KIR3DL3: variants seen among roughly 807,000 people sequenced by gnomAD.
KIR3DL3 encodes killer cell immunoglobulin-like receptor 3DL3.
In KIR3DL3, 27 loss-of-function variants were observed where a neutral mutation model predicts 34.9. That is an observed-to-expected ratio of 0.77 (90% confidence interval 0.57 to 1.07). The LOEUF (loss-of-function observed/expected upper bound fraction) is 1.07. Ranked by LOEUF, KIR3DL3 falls within the 50% of genes least tolerant of loss-of-function variation. The pLI is 0.00. For synonymous variants in KIR3DL3, 217 were observed against 200.2 expected (o/e 1.08, Z -0.71); for missense variants, 681 against 528.5 (o/e 1.29, Z -2.83).
intron 5 of KIR3DL3, among the ~76,000 whole-genome samples, chr19:54,733,858 T>C (rs558142447): frequency 6.6e-6 from 1 of 152,258 alleles, no homozygotes; most frequent in South Asian, 2.1e-4. Context: ...AGGTAAACAC[T>C]AATACTCTTT....
chr19:54,728,108 A>G (rs2068404437), intron 4 of KIR3DL3, among the ~76,000 whole-genome samples, 198 bp downstream of exon 4: 1 of 151,970 alleles, frequency 6.6e-6, no homozygotes, highest in Non-Finnish European at 1.5e-5. Context: ...TAGAAGCCAG[A>G]CACAGGGGCC....
At chr19:54,728,436 A>G (rs2068439746) in intron 4 of KIR3DL3, among the ~76,000 whole-genome samples, 2 of 147,704 alleles carry the variant, frequency 1.4e-5, no homozygotes, top group East Asian at 4.1e-4. Context: ...GGAGCAGAAC[A>G]CCAACCCCTG....
rs148984435 is a variant in KIR3DL3 at position 54,734,174 on chromosome 19, C to G, written c.950-1079C>G. Among the ~76,000 whole-genome samples, 789 of 146,346 alleles carry G rather than the reference C, an allele frequency of 5.4e-3. 9 individuals are homozygous for G. Among genetic ancestry groups the G allele is most frequent in the African/African-American group, 0.019 (762 of 39,542 alleles). On this transcript the variant is annotated intron_variant, in intron 5 of 7. Transcript: ENST00000291860. ...CTTGGAGAATGTAATTTTTTTGAGT[C>G]AAGAGGGTTGTGGTGGTAGAAACTG...
intron 5 of KIR3DL3, 34 bp downstream of exon 5, chr19:54,729,820 G>T: frequency 6.3e-7 from 1 of 1,579,808 alleles, no homozygotes; most frequent in Non-Finnish European, 8.6e-7. Context: ...CATGTCTTGT[G>T]ATCCTAGAGC....
intron 5 of KIR3DL3, among the ~76,000 whole-genome samples, chr19:54,731,886 T>C (rs1314012550): frequency 6.6e-6 from 1 of 152,134 alleles, no homozygotes; most frequent in African/African-American, 2.4e-5. Flanking sequence ...ACTTTGGGAT[T>C]CTATTGGGGT....
chr19:54,728,757 A>G (rs35097716), intron 4 of KIR3DL3, among the ~76,000 whole-genome samples: 109,350 of 144,934 alleles, frequency 0.75, 41,616 homozygotes, highest in East Asian at 0.99. Context: ...TAAAGATGTG[A>G]GGATGGATTG....
rs2068579135 is a variant in KIR3DL3 at position 54,729,574 on chromosome 19, C to T, written c.737C>T (p.Ser246Phe). 2.5e-6 allele frequency: 4 copies of T among 1,607,104 alleles called. No individual in the cohort carries two copies. Among genetic ancestry groups the T allele is most frequent in the East Asian group, 2.2e-5 (1 of 44,488 alleles). ...GAGAATGTGACCTTGTCCTGCAGCT[C>T]CCGGAGCTTGTTTGACATTTACCAT... ...AGENVTLSCS[S>F]RSLFDIYHLS... The change falls in exon 5 of 8, where the codon TCC (serine) becomes TTC (phenylalanine). Residue 246 changes from serine to phenylalanine, a missense_variant. Ser to Phe is a radical substitution (Grantham distance 155, BLOSUM62 -2). Coordinates refer to ENST00000291860, the MANE Select transcript of KIR3DL3 (RefSeq NM_153443.5).
chr19:54,725,648 A>G (rs1442543459), intron 2 of KIR3DL3, among the ~76,000 whole-genome samples: 17 of 152,260 alleles, frequency 1.1e-4, no homozygotes, highest in African/African-American at 4.1e-4. Context: ...CCATGACGGT[A>G]GGGGCTGCAA....
At position 54,736,609 on chromosome 19, in the gene KIR3DL3, T is replaced by C. The variant is rs2146911299; in HGVS notation, c.*513T>C. On this transcript the variant is annotated 3_prime_UTR_variant, in exon 8 of 8. Transcript: ENST00000291860. Reference sequence around the variant, plus strand: ...ATAATTTCAATGTAGTTTTCTATTCTTCAAGTAAACATGTCTGCCCTCATG... The same window carrying C: ...ATAATTTCAATGTAGTTTTCTATTCCTCAAGTAAACATGTCTGCCCTCATG... 1 of 162,422 alleles carries C rather than the reference T, an allele frequency of 6.2e-6. No homozygotes were observed. The highest frequency in any genetic ancestry group is 1.7e-4 in the South Asian group (1 of 5,852). 10.1% of individuals were successfully genotyped at this position (162,422 alleles called of 1,614,324 possible).
intron 3 of KIR3DL3, among the ~76,000 whole-genome samples, chr19:54,727,329 A>G (rs2068293182): frequency 8.1e-6 from 1 of 122,904 alleles, no homozygotes. Context: ...CCCCCACATA[A>G]ACACCAGGAA....
chr19:54,734,335 C>T (rs1250922010), intron 5 of KIR3DL3, among the ~76,000 whole-genome samples: 8 of 151,240 alleles, frequency 5.3e-5, no homozygotes, highest in Non-Finnish European at 7.4e-5. Flanking sequence ...ACACAGAGAA[C>T]ACATTACACA....
At chr19:54,735,917 A>G in intron 7 of KIR3DL3, 45 bp downstream of exon 7, 1 of 1,605,556 alleles carries the variant, frequency 6.2e-7, no homozygotes, top group Non-Finnish European at 8.5e-7. Flanking sequence ...TTATTCCCAA[A>G]GAGTCCTGGA....
chr19:54,729,056 G>C (rs1053108037), intron 4 of KIR3DL3, among the ~76,000 whole-genome samples: 10 of 149,190 alleles, frequency 6.7e-5, no homozygotes, highest in Non-Finnish European at 1.5e-4. Flanking sequence ...TACATTGATT[G>C]ATAGATGATA....
intron 3 of KIR3DL3, among the ~76,000 whole-genome samples, chr19:54,727,188 A>T (rs2068277761): frequency 8.4e-6 from 1 of 119,320 alleles, no homozygotes; most frequent in East Asian, 2.5e-4. Flanking sequence ...AATCCCCATC[A>T]GGAACAGGGA....
rs781440017 is a variant in KIR3DL3 at position 54,736,090 on chromosome 19, C to G, written c.1227C>G (p.Ser409Arg). Residue 409 changes from serine (S) to arginine (R), a missense_variant, in exon 8 of 8, where the codon AGC becomes AGG. Ser to Arg is a moderately radical substitution (Grantham distance 110). Coordinates refer to ENST00000291860, the MANE Select transcript of KIR3DL3 (RefSeq NM_153443.5). ...QRPKTPPTDT[S>R]V ...CCAAGACACCCCCAACAGATACCAGCGTGTAACACGGAACTTCCAAATGCT... is the reference window on the plus strand; with the variant it reads ...CCAAGACACCCCCAACAGATACCAGGGTGTAACACGGAACTTCCAAATGCT... 5.0e-6 allele frequency: 8 copies of G among 1,613,162 alleles called. No individual in the cohort carries two copies. The highest frequency in any genetic ancestry group is 6.8e-6 in the Non-Finnish European group (8 of 1,179,880).
rs1347572259 is a variant in KIR3DL3 at position 54,726,969 on chromosome 19, A to C, written c.355+632A>C. Among the ~76,000 whole-genome samples the C allele has an allele frequency of 1.6e-5, 2 of 124,026 alleles. 1 individual carries two copies. Among genetic ancestry groups the C allele is most frequent in the Non-Finnish European group, 3.5e-5 (2 of 57,596 alleles). 81.4% of individuals were successfully genotyped at this position (124,026 alleles called of 152,430 possible). The stretch of plus-strand genomic sequence containing the variant: ...CAATTTTCTCCAGCAGCAACAGGAA[A>C]CCAACACAGGAACCCAGGTGAAGCA... On this transcript the variant is annotated intron_variant, in intron 3 of 7. Transcript: ENST00000291860.
chr19:54,735,008 T>C (rs62132698), intron 5 of KIR3DL3, among the ~76,000 whole-genome samples: 92,232 of 126,554 alleles, frequency 0.73, 34,941 homozygotes, highest in African/African-American at 0.92. Context: ...AACCTCCCAC[T>C]CTGGGGGTTA....
Position 54,726,184 on chromosome 19 carries a change from G to A in KIR3DL3, c.202G>A (p.Val68Ile), listed in dbSNP as rs1196983122. ...FSLSKEDGMP[V>I]PELYNRIFRN... ...TCTGTCCAAAGAAGACGGGATGCCT[G>A]TCCCTGAGCTCTACAACAGAATATT... The change falls in exon 3 of 8, where the codon GTC (valine) becomes ATC (isoleucine). Residue 68 changes from valine to isoleucine, a missense_variant. Physicochemically the swap from Val to Ile is conservative, Grantham distance 29 (BLOSUM62 3). Coordinates refer to ENST00000291860, the MANE Select transcript of KIR3DL3 (RefSeq NM_153443.5). The A allele has an allele frequency of 9.3e-6, 15 of 1,613,518 alleles. No homozygotes were observed. In the African/African-American group the frequency reaches 1.9e-4, roughly 20 times the overall value.
rs2068325618 is a variant in KIR3DL3, at chr19:54,727,587, T to G, written c.356-24T>G. ...TGGGATGAGAAAGGGAGACGCCTTC[T>G]GAACTCACAACCTCTCTTCTTAGGA... On this transcript the variant is annotated intron_variant, in intron 3 of 7. Coordinates refer to ENST00000291860, the MANE Select transcript of KIR3DL3 (RefSeq NM_153443.5). The G allele has an allele frequency of 7.2e-5, 115 of 1,603,486 alleles. No homozygotes were observed. In the South Asian group the frequency reaches 1.3e-3, roughly 17 times the overall value.
Sources: gnomAD v4.1 joint callset for allele counts (sites outside exome capture counted in the v4.1 genomes callset) on GRCh38, gnomAD v4.1.1 for gene constraint, MANE v1.5 for transcripts, NCBI Gene and HGNC (gene_info 2026-07-23, HGNC 2026-07-21) for gene names.